STAT6: variants seen among roughly 807,000 people sequenced by gnomAD.
STAT6 encodes signal transducer and activator of transcription 6.
Under a neutral mutation model 106.3 loss-of-function variants are expected in STAT6, and 45 were observed. The ratio of observed to expected loss-of-function variants is 0.42; its 90% CI spans 0.33 to 0.54. The LOEUF (loss-of-function observed/expected upper bound fraction) is 0.54, where lower values mean the gene tolerates loss of function less well. Ranked by LOEUF, STAT6 falls within the 20% of genes least tolerant of loss-of-function variation. STAT6 has a pLI of 0.06. For synonymous variants in STAT6, 413 were observed against 413.6 expected (o/e 1.00, Z 0.02); for missense variants, 797 against 1,062.2 (o/e 0.75, Z 3.47).
chr12:57,098,731 C>T lies in STAT6; in HGVS notation c.2066+61G>A, dbSNP rs537391733. 1,489 of 1,571,960 alleles carry T rather than the reference C, an allele frequency of 9.5e-4. 1 individual carries two copies. Among genetic ancestry groups the T allele is most frequent in the Non-Finnish European group, 1.2e-3 (1,356 of 1,147,932 alleles). The stretch of plus-strand genomic sequence containing the variant: ...CCCCAGTGCCAGCTCTCCCAGCTGC[C>T]CATGCTAAGATTAGCCCATCTGCAC... On this transcript the variant is annotated intron_variant, in intron 18 of 21. Transcript: ENST00000300134.
rs369797149 is a variant in STAT6, at chr12:57,108,303, G to T, written c.-21-4C>A. 255 of 1,520,932 alleles carry T rather than the reference G, an allele frequency of 1.7e-4. No homozygotes were observed. Among genetic ancestry groups the T allele is most frequent in the Non-Finnish European group, 2.3e-4 (249 of 1,104,586 alleles). The allele number at this position is 1,520,932 out of a possible 1,614,324, so 94.2% of individuals were successfully genotyped here. A position where few individuals can be genotyped will look rare whatever the true frequency, so the allele number is the denominator to read the frequency against. Reference sequence around the variant, plus strand: ...TGATCTGGGACTTGGAGGTTGCCTGGAGGAGAAAAATAAGGCCACTCTGAG... The same window carrying T: ...TGATCTGGGACTTGGAGGTTGCCTGTAGGAGAAAAATAAGGCCACTCTGAG... On this transcript the variant is annotated splice_region_variant and splice_polypyrimidine_tract_variant and intron_variant, in intron 1 of 21. Coordinates refer to ENST00000300134, the MANE Select transcript of STAT6 (RefSeq NM_003153.5).
At position 57,106,286 on chromosome 12, in the gene STAT6, G is replaced by A; in HGVS notation, c.585C>T (p.Ala195=). The part of the protein sequence containing the change: ...ETTGELEAAK[A]LVLKRIQIWK... Reference sequence around the variant, plus strand: ...AAATCTGGATCCTCTTCAGCACTAGGGCTTTGGCTGCCTCTAGCTCTCCAG... The same window carrying A: ...AAATCTGGATCCTCTTCAGCACTAGAGCTTTGGCTGCCTCTAGCTCTCCAG... Residue 195 remains alanine, a synonymous_variant, in exon 7 of 22, where the codon GCC becomes GCT. Coordinates refer to ENST00000300134, the MANE Select transcript of STAT6 (RefSeq NM_003153.5). 1 of 1,614,224 alleles carries A rather than the reference G, an allele frequency of 6.2e-7. No individual in the cohort carries two copies. Among genetic ancestry groups the A allele is most frequent in the Non-Finnish European group, 8.5e-7 (1 of 1,180,040 alleles).
chr12:57,099,975 C>G lies in STAT6; in HGVS notation c.1607+21G>C, dbSNP rs766627331. The G allele has an allele frequency of 1.4e-5, 23 of 1,614,064 alleles. No individual in the cohort carries two copies. Among genetic ancestry groups the G allele is most frequent in the Non-Finnish European group, 1.9e-5 (23 of 1,179,990 alleles). On this transcript the variant is annotated intron_variant, in intron 14 of 21. Coordinates refer to ENST00000300134, the MANE Select transcript of STAT6 (RefSeq NM_003153.5). The surrounding 1 kb of genome is among the most constrained non-coding windows in gnomAD (Gnocchi z 4.7). ...GGTGACTGGTGTATGGCTGCTCAGACTACCCAGGGTGGGGACTCACCGGTC... is the reference window on the plus strand; with the variant it reads ...GGTGACTGGTGTATGGCTGCTCAGAGTACCCAGGGTGGGGACTCACCGGTC...
rs2033890219 is a variant in STAT6 at position 57,100,956 on chromosome 12, T to C, written c.1513-866A>G. 6.7e-6 allele frequency: 3 copies of C among 448,316 alleles called. No individual in the cohort carries two copies. The Admixed American group carries it at 7.3e-5, about 11-fold the overall frequency. The allele number at this position is 448,316 out of a possible 1,614,324, so 27.8% of individuals were successfully genotyped here. Reference sequence around the variant, plus strand: ...TCAAAGAGATGTTGGGAGGATTAAGTGAGATAACATACATAAGGTGTTAAG... The same window carrying C: ...TCAAAGAGATGTTGGGAGGATTAAGCGAGATAACATACATAAGGTGTTAAG... On this transcript the variant is annotated intron_variant, in intron 13 of 21. Transcript: ENST00000300134.
At chr12:57,107,351 C>CT in intron 3 of STAT6, 37 bp from the exon 4 acceptor site, 2 of 1,587,256 alleles carry the variant, frequency 1.3e-6, no homozygotes, top group Non-Finnish European at 1.7e-6. Context: ...GAGCTTTGCT[C>CT]TTACCCATGT....
At chr12:57,104,245 G>A (rs2034132920) in intron 11 of STAT6, 2 of 606,556 alleles carry the variant, frequency 3.3e-6, no homozygotes, top group Non-Finnish European at 5.7e-6. Context: ...CTGGTCTATA[G>A]GAAGTGCTTC....
chr12:57,104,266 G>A (rs1225857261), intron 11 of STAT6, 198 bp downstream of exon 11: 1 of 698,186 alleles, frequency 1.4e-6, no homozygotes, highest in African/African-American at 1.8e-5. Flanking sequence ...CGAAGTGTTT[G>A]CTGCTATCCA....
chr12:57,105,216 C>T lies in STAT6; in HGVS notation c.936G>A (p.Arg312=). 1 of 1,614,068 alleles carries T rather than the reference C, an allele frequency of 6.2e-7. No individual in the cohort carries two copies. The highest frequency in any genetic ancestry group is 2.2e-5 in the East Asian group (1 of 44,876). Residue 312 remains arginine, a synonymous_variant, in exon 9 of 22, where the codon AGG becomes AGA. Coordinates refer to ENST00000300134, the MANE Select transcript of STAT6 (RefSeq NM_003153.5). ...LGAPAKPPLV[R]ADMVTEKQAR... ...CCTGCTTCTCTGTCACCATGTCGGCCCTGACCAGCGGAGGCTTGGCTGGGG... is the reference window on the plus strand; with the variant it reads ...CCTGCTTCTCTGTCACCATGTCGGCTCTGACCAGCGGAGGCTTGGCTGGGG...
Position 57,099,733 on chromosome 12 carries a change from C to T in STAT6, c.1744+34G>A, listed in dbSNP as rs1390381616. ...CAGAAGAAACCCCAGAGGGCACAGG[C>T]ACAGAGACAGAGGACTGGCTGGGGT... On this transcript the variant is annotated intron_variant, in intron 15 of 21. Coordinates refer to ENST00000300134, the MANE Select transcript of STAT6 (RefSeq NM_003153.5). This position sits in a 1 kb window ranked among gnomAD's most constrained non-coding sequence, Gnocchi z 4.7. The T allele has an allele frequency of 1.2e-6, 2 of 1,613,292 alleles. No individual in the cohort carries two copies. The highest frequency in any genetic ancestry group is 1.7e-6 in the Non-Finnish European group (2 of 1,179,648).
rs1360627714 is a variant in STAT6 at position 57,102,897 on chromosome 12, T to C, written c.1237A>G (p.Ile413Val). 1 of 1,609,598 alleles carries C rather than the reference T, an allele frequency of 6.2e-7. No individual in the cohort carries two copies. Among genetic ancestry groups the C allele is most frequent in the Non-Finnish European group, 8.5e-7 (1 of 1,178,304 alleles). Reference sequence around the variant, plus strand: ...TTGTTGTCTTGGTTGCCATGGACGATGACCACCAGGGGCAGAGACAGGGCC... The same window carrying C: ...TTGTTGTCTTGGTTGCCATGGACGACGACCACCAGGGGCAGAGACAGGGCC... ...LQALSLPLVVIVHGNQDNNAK... is the reference protein window; with the variant it reads ...LQALSLPLVVVVHGNQDNNAK... Residue 413 changes from isoleucine to valine, a missense_variant, in exon 12 of 22, where the codon ATC becomes GTC. This residue lies in a region of STAT6 where 222 missense variants were observed against 354.6 expected (regional missense o/e 0.63). Coordinates refer to ENST00000300134, the MANE Select transcript of STAT6 (RefSeq NM_003153.5).
chr12:57,105,468 C>G lies in STAT6; in HGVS notation c.812G>C (p.Ser271Thr). Reference protein sequence around the residue: ...LDEVLRTLVTSCFLVEKQPPQ... With the variant: ...LDEVLRTLVTTCFLVEKQPPQ... The stretch of plus-strand genomic sequence containing the variant: ...CAGACTGGGAGCTCCCGGGGAATAC[C>G]TGGTGACGAGGGTTCTCAGGACTTC... Residue 271 changes from serine (S) to threonine (T), a missense_variant and splice_region_variant, in exon 8 of 22, where the codon AGT becomes ACT. Ser to Thr is a moderately conservative substitution (Grantham distance 58, BLOSUM62 1). Coordinates refer to ENST00000300134, the MANE Select transcript of STAT6 (RefSeq NM_003153.5). 6.2e-7 allele frequency: 1 copy of G among 1,614,010 alleles called. No individual in the cohort carries two copies. Among genetic ancestry groups the G allele is most frequent in the Non-Finnish European group, 8.5e-7 (1 of 1,179,934 alleles).
chr12:57,103,913 C>G (rs1188345162), intron 11 of STAT6: 1 of 153,856 alleles, frequency 6.5e-6, no homozygotes, highest in African/African-American at 2.4e-5. Context: ...GGGACTGGCT[C>G]TGAGCACTCA....
chr12:57,107,199 G>A (rs887932958), intron 4 of STAT6, 32 bp downstream of exon 4: 18 of 1,595,976 alleles, frequency 1.1e-5, no homozygotes, highest in Non-Finnish European at 1.5e-5. Flanking sequence ...TCAGGGGATT[G>A]AGTTGGGGTG....
At chr12:57,100,688 GAA>G (rs1555175012) in intron 13 of STAT6, among the ~76,000 whole-genome samples, 326 of 61,712 alleles carry the variant, frequency 5.3e-3, no homozygotes, top group East Asian at 0.013. Context: ...AAGAAAGAAA[GAA>G]AGAAAGAAAG....
intron 17 of STAT6, 33 bp from the exon 18 acceptor site, chr12:57,098,935 C>G: frequency 6.2e-7 from 1 of 1,612,046 alleles, no homozygotes; most frequent in Non-Finnish European, 8.5e-7. Flanking sequence ...TGTGACTGAC[C>G]AAGGGTTGAT....
At chr12:57,102,170 G>T in intron 13 of STAT6, 120 bp downstream of exon 13, 1 of 1,117,408 alleles carries the variant, frequency 8.9e-7, no homozygotes, top group Non-Finnish European at 1.3e-6. Context: ...CTTCCTAAAG[G>T]ACCTGAGGGG....
chr12:57,105,141 C>T lies in STAT6; in HGVS notation c.1001+10G>A, dbSNP rs55825785. On this transcript the variant is annotated intron_variant, in intron 9 of 21. Transcript: ENST00000300134. The stretch of plus-strand genomic sequence containing the variant: ...GCCCTTCTCCAACCCCAGGTCCAAT[C>T]CCAGCTTACGCTCCAGCCCCAGGAC... 13,330 of 1,604,906 alleles carry T rather than the reference C, an allele frequency of 8.3e-3. 77 individuals are homozygous for T. Among genetic ancestry groups the T allele is most frequent in the Middle Eastern group, 0.011 (66 of 6,012 alleles).
chr12:57,099,918 GGA>G lies in STAT6; in HGVS notation c.1608-17_1608-16del. 1 of 1,614,252 alleles carries G rather than the reference GGA, an allele frequency of 6.2e-7. No individual in the cohort carries two copies. The highest frequency in any genetic ancestry group is 8.5e-7 in the Non-Finnish European group (1 of 1,180,048). ...CAATGATCAGCCTGGCCGGGATGAAGGAGAGGATGGGGCATGGGCAGTGAGTA... is the reference window on the plus strand; with the variant it reads ...CAATGATCAGCCTGGCCGGGATGAAGGAGGATGGGGCATGGGCAGTGAGTA... On this transcript the variant is annotated splice_polypyrimidine_tract_variant and intron_variant, in intron 14 of 21. Transcript: ENST00000300134. This position sits in a 1 kb window ranked among gnomAD's most constrained non-coding sequence, Gnocchi z 4.7.
rs1320472515 is a variant in STAT6 at position 57,099,006 on chromosome 12, C to A, written c.1955+9G>T. 4 of 1,614,162 alleles carry A rather than the reference C, an allele frequency of 2.5e-6. No individual in the cohort carries two copies. Among genetic ancestry groups the A allele is most frequent in the Non-Finnish European group, 3.4e-6 (4 of 1,180,040 alleles). On this transcript the variant is annotated intron_variant, in intron 17 of 21. Coordinates refer to ENST00000300134, the MANE Select transcript of STAT6 (RefSeq NM_003153.5). This position sits in a 1 kb window ranked among gnomAD's most constrained non-coding sequence, Gnocchi z 4.7. ...CTGACCTACCCACTGTCCATACCACCACACTCACCTTTCCACGGTCATCTT... is the reference window on the plus strand; with the variant it reads ...CTGACCTACCCACTGTCCATACCACAACACTCACCTTTCCACGGTCATCTT...
Sources: allele counts gnomAD v4.1 joint callset (sites outside exome capture counted in the v4.1 genomes callset), GRCh38; gene constraint gnomAD v4.1.1; regional missense constraint gnomAD v4.1.1; non-coding constraint Gnocchi (gnomAD v3.1); transcripts MANE v1.5; gene names NCBI Gene and HGNC (gene_info 2026-07-23, HGNC 2026-07-21).